Variants in KIAA1328 observed in about 807,000 individuals in gnomAD.
KIAA1328 encodes KIAA1328.
In KIAA1328, 52 loss-of-function variants were observed where a neutral mutation model predicts 68.1. The observed-to-expected ratio is 0.76, with a 90% CI of 0.61 to 0.96. KIAA1328 has a LOEUF of 0.96. Among genes scored for constraint, KIAA1328 ranks in the 40% least tolerant of loss-of-function variants. KIAA1328 has a pLI of 0.00. For synonymous variants in KIAA1328, 232 were observed against 239.4 expected (o/e 0.97, Z 0.28); for missense variants, 641 against 677.6 (o/e 0.95, Z 0.60).
intron 6 of KIAA1328, among the ~76,000 whole-genome samples, chr18:36,985,191 T>G (rs1406977425): frequency 6.6e-6 from 1 of 152,030 alleles, no homozygotes; most frequent in Non-Finnish European, 1.5e-5. Context: ...TCCTAGATAC[T>G]TGGGAGGCTG....
intron 9 of KIAA1328, among the ~76,000 whole-genome samples, chr18:37,208,058 C>T (rs2060249018): frequency 1.3e-5 from 2 of 152,164 alleles, no homozygotes; most frequent in Admixed American, 1.3e-4. Context: ...ATTTTCCTGC[C>T]TCAGCCTCCC....
rs955489023 is a variant in KIAA1328, at chr18:37,157,765, G to A, written c.1233-2435G>A. 2.2e-4 allele frequency among the ~76,000 whole-genome samples: 28 copies of A among 126,328 alleles called. No individual in the cohort carries two copies. The South Asian group carries it at 4.1e-3, about 18-fold the overall frequency. The allele number at this position is 126,328 out of a possible 152,430, so 82.9% of individuals were successfully genotyped here. A position where few individuals can be genotyped will look rare whatever the true frequency, so the allele number is the denominator to read the frequency against. On this transcript the variant is annotated intron_variant, in intron 7 of 9. Coordinates refer to ENST00000280020, the MANE Select transcript of KIAA1328 (RefSeq NM_020776.3). ...GGAGGTTGTGGTGAGCAAAGACTGC[G>A]CCACTGCACTCCAGCCCGGGCAACA...
intron 8 of KIAA1328, among the ~76,000 whole-genome samples, chr18:37,170,610 A>G (rs2059481656): frequency 6.6e-6 from 1 of 152,108 alleles, no homozygotes; most frequent in Admixed American, 6.6e-5. Flanking sequence ...CCTGCATCAA[A>G]TGTTCCCCAA....
chr18:37,029,541 T>G (rs535666692), intron 6 of KIAA1328, among the ~76,000 whole-genome samples: 1 of 152,196 alleles, frequency 6.6e-6, no homozygotes, highest in Non-Finnish European at 1.5e-5. Context: ...GAGTGGCTAA[T>G]TTTTTGTAGA....
Position 36,883,952 on chromosome 18 carries a change from G to GTATATGTGTATATATATATATA in KIAA1328, c.333-1600_333-1599insGTGTATATATATATATATATAT, listed in dbSNP as rs540895118. 1.3e-3 allele frequency among the ~76,000 whole-genome samples: 156 copies of GTATATGTGTATATATATATATA among 120,790 alleles called. 3 individuals carry two copies. Among genetic ancestry groups the GTATATGTGTATATATATATATA allele is most frequent in the South Asian group, 6.6e-3 (27 of 4,116 alleles). 79.2% of individuals were successfully genotyped at this position (120,790 alleles called of 152,430 possible). ...TACAAATGCTTTCCATATTTATAAA[G>GTATATGTGTATATATATATATA]TATATATATATATATATACACACAC... is the stretch of plus-strand genomic sequence containing the variant. On this transcript the variant is annotated intron_variant, in intron 4 of 9. Transcript: ENST00000280020.
chr18:37,045,317 A>G (rs148302507), intron 6 of KIAA1328, among the ~76,000 whole-genome samples: 293 of 152,280 alleles, frequency 1.9e-3, no homozygotes, highest in Non-Finnish European at 3.3e-3. Flanking sequence ...TGAAACCACT[A>G]ATCCAGGTAT....
At chr18:36,863,729 A>G (rs992090707) in intron 4 of KIAA1328, among the ~76,000 whole-genome samples, 5 of 152,142 alleles carry the variant, frequency 3.3e-5, no homozygotes, top group East Asian at 1.9e-4. Context: ...GATACTATAC[A>G]TATTTTCTTA....
chr18:37,036,479 C>T (rs1297900750), intron 6 of KIAA1328, among the ~76,000 whole-genome samples: 1 of 152,214 alleles, frequency 6.6e-6, no homozygotes, highest in Non-Finnish European at 1.5e-5. Flanking sequence ...CTTTTACATA[C>T]AACTCATTTG....
intron 6 of KIAA1328, among the ~76,000 whole-genome samples, chr18:37,041,592 C>G (rs1218600110): frequency 6.6e-6 from 1 of 150,418 alleles, no homozygotes; most frequent in Non-Finnish European, 1.5e-5. Context: ...TTCTATATGC[C>G]CATCGATGTC....
intron 7 of KIAA1328, among the ~76,000 whole-genome samples, chr18:37,096,937 T>C (rs988254081): frequency 7.2e-5 from 11 of 152,260 alleles, no homozygotes; most frequent in Admixed American, 2.0e-4. Context: ...TTTTTTCTTG[T>C]AAATTAGTTT....
rs144593362 is a variant in KIAA1328, at chr18:37,031,425, A to T, written c.577-35465A>T. Among the ~76,000 whole-genome samples, 1,004 of 152,250 alleles carry T rather than the reference A, an allele frequency of 6.6e-3. 11 individuals carry two copies. Among genetic ancestry groups the T allele is most frequent in the African/African-American group, 0.023 (943 of 41,542 alleles). Reference sequence around the variant, plus strand: ...TTATCACTTTCAAACATGCCTCTTTATCCCTGTTATTATCACTTCTTTTGA... The same window carrying T: ...TTATCACTTTCAAACATGCCTCTTTTTCCCTGTTATTATCACTTCTTTTGA... On this transcript the variant is annotated intron_variant, in intron 6 of 9. Coordinates refer to ENST00000280020, the MANE Select transcript of KIAA1328 (RefSeq NM_020776.3).
intron 6 of KIAA1328, among the ~76,000 whole-genome samples, chr18:37,028,385 G>C (rs904858670): frequency 3.3e-5 from 5 of 152,108 alleles, no homozygotes; most frequent in Non-Finnish European, 7.3e-5. Context: ...TATTGAATTT[G>C]TATCCTGAAA....
chr18:37,048,063 A>G (rs913805405), intron 6 of KIAA1328, among the ~76,000 whole-genome samples: 3 of 152,160 alleles, frequency 2.0e-5, no homozygotes, highest in Admixed American at 6.5e-5. Context: ...TCCATTTAAT[A>G]ACTTGAAAAA....
intron 7 of KIAA1328, among the ~76,000 whole-genome samples, chr18:37,157,428 TA>T (rs2059175674): frequency 6.6e-6 from 1 of 152,166 alleles, no homozygotes; most frequent in African/African-American, 2.4e-5. Context: ...TTTATTTTTA[TA>T]AAAATGAGAT....
intron 5 of KIAA1328, among the ~76,000 whole-genome samples, chr18:36,911,497 T>G (rs1027073671): frequency 1.3e-5 from 2 of 152,186 alleles, no homozygotes; most frequent in African/African-American, 4.8e-5. Flanking sequence ...TAGGTTTAAC[T>G]TTCTACTACC....
intron 1 of KIAA1328, among the ~76,000 whole-genome samples, chr18:36,833,896 A>G (rs1286771619): frequency 1.3e-5 from 2 of 152,214 alleles, no homozygotes; most frequent in Non-Finnish European, 2.9e-5. Flanking sequence ...GCTAAAGTCT[A>G]TCTTGAAATT....
At chr18:36,854,385 TTTAAG>T (rs1190329215) in intron 4 of KIAA1328, among the ~76,000 whole-genome samples, 1 of 152,212 alleles carries the variant, frequency 6.6e-6, no homozygotes, top group East Asian at 1.9e-4. Flanking sequence ...ATAATTATTG[TTTAAG>T]TTGTCTTTTA....
At chr18:36,966,057 A>G (rs540356321) in intron 6 of KIAA1328, among the ~76,000 whole-genome samples, 1 of 152,356 alleles carries the variant, frequency 6.6e-6, no homozygotes, top group South Asian at 2.1e-4. Context: ...AAACAAAGAA[A>G]GAACAAGAAT....
At chr18:37,187,610 TAAA>T (rs1445215992) in intron 9 of KIAA1328, among the ~76,000 whole-genome samples, 1 of 152,162 alleles carries the variant, frequency 6.6e-6, no homozygotes, top group Non-Finnish European at 1.5e-5. Flanking sequence ...TAATATATAA[TAAA>T]GAAGATAAGA....
Sources: gnomAD v4.1 joint callset for allele counts (sites outside exome capture counted in the v4.1 genomes callset) on GRCh38, gnomAD v4.1.1 for gene constraint, MANE v1.5 for transcripts, NCBI Gene and HGNC (gene_info 2026-07-23, HGNC 2026-07-21) for gene names.